Variants in TMEM87B observed in about 807,000 individuals in gnomAD.
TMEM87B encodes the protein transmembrane protein 87B.
A neutral mutation model predicts 80.3 loss-of-function variants in TMEM87B; 83 were observed. That is an observed-to-expected ratio of 1.03 (90% CI 0.87 to 1.24). TMEM87B has a LOEUF of 1.24. TMEM87B is among the 50% of genes most tolerant of loss of function. The pLI, the probability that TMEM87B is intolerant of heterozygous loss-of-function variation, is 0.00. For synonymous variants in TMEM87B, 219 were observed against 230.5 expected, an observed-to-expected ratio of 0.95 and a Z score of 0.45; for missense variants, 625 against 674.4, an observed-to-expected ratio of 0.93 and a Z score of 0.81.
chr2:112,095,165 C>CTTTCTTTTTTTTTTTTTTTTT (rs1679423787), intron 11 of TMEM87B: 1 of 540,868 alleles, frequency 1.8e-6, no homozygotes, highest in Non-Finnish European at 2.1e-6. Flanking sequence ...TTCTTTCTTT[C>CTTTCTTTTTTTTTTTTTTTTT]TTTTTTTTTT....
intron 17 of TMEM87B, among the ~76,000 whole-genome samples, chr2:112,111,850 C>T (rs1484703799): frequency 6.6e-6 from 1 of 152,164 alleles, no homozygotes; most frequent in Non-Finnish European, 1.5e-5. Flanking sequence ...GCTTATCTCC[C>T]TCTTTAATGC....
intron 11 of TMEM87B, among the ~76,000 whole-genome samples, chr2:112,094,310 C>T (rs1158403566): frequency 7.9e-5 from 12 of 151,708 alleles, no homozygotes; most frequent in South Asian, 2.1e-4. Flanking sequence ...TACAGGCGTG[C>T]GCCACCACGC....
At chr2:112,059,236 C>G (rs970221935) in intron 1 of TMEM87B, among the ~76,000 whole-genome samples, 2 of 152,054 alleles carry the variant, frequency 1.3e-5, no homozygotes, top group African/African-American at 4.8e-5. Flanking sequence ...CCTGAGAAGA[C>G]ATTAAACAAC....
intron 4 of TMEM87B, among the ~76,000 whole-genome samples, chr2:112,073,988 G>T (rs530125301): frequency 2.0e-5 from 3 of 152,086 alleles, no homozygotes; most frequent in African/African-American, 7.2e-5. Flanking sequence ...TGTGGGTGTC[G>T]TTATATGTGA....
intron 2 of TMEM87B, 30 bp from the exon 3 acceptor site, chr2:112,064,132 T>C: frequency 1.3e-6 from 2 of 1,586,706 alleles, no homozygotes. Flanking sequence ...GTATTATTCA[T>C]GTAAAACAAG....
intron 10 of TMEM87B, among the ~76,000 whole-genome samples, chr2:112,090,118 C>T (rs1679257164): frequency 6.6e-6 from 1 of 152,118 alleles, no homozygotes; most frequent in Non-Finnish European, 1.5e-5. Context: ...CAGTACATTC[C>T]ATCACTCTTT....
Position 112,116,302 on chromosome 2 carries a change from C to G in TMEM87B, c.*159C>G. 1 of 585,484 alleles carries G rather than the reference C, an allele frequency of 1.7e-6. No individual in the cohort carries two copies. The highest frequency in any genetic ancestry group is 2.9e-6 in the Non-Finnish European group (1 of 340,436). The allele number at this position is 585,484 out of a possible 1,614,324, so 36.3% of individuals were successfully genotyped here. Reference sequence around the variant, plus strand: ...TTCAGATGGTAGGAGGTTCTATAGTCCTTTTAAAGCTGACTCTTGAGTGTC... The same window carrying G: ...TTCAGATGGTAGGAGGTTCTATAGTGCTTTTAAAGCTGACTCTTGAGTGTC... On this transcript the variant is annotated 3_prime_UTR_variant, in exon 19 of 19. Coordinates refer to ENST00000283206, the MANE Select transcript of TMEM87B (RefSeq NM_032824.3).
intron 14 of TMEM87B, among the ~76,000 whole-genome samples, chr2:112,099,547 TATATATATAC>T (rs58515546): frequency 0.057 from 6,949 of 121,756 alleles, 351 homozygotes; most frequent in African/African-American, 0.15. Context: ...TATATATATA[TATATATATAC>T]ACACACACAC....
intron 8 of TMEM87B, among the ~76,000 whole-genome samples, chr2:112,085,612 C>T (rs1265294725): frequency 6.6e-6 from 1 of 152,148 alleles, no homozygotes; most frequent in Non-Finnish European, 1.5e-5. Flanking sequence ...AGGAGCATAT[C>T]AGATACATTT....
At chr2:112,100,309 G>A (rs958483340) in intron 14 of TMEM87B, among the ~76,000 whole-genome samples, 3 of 152,150 alleles carry the variant, frequency 2.0e-5, no homozygotes, top group Non-Finnish European at 4.4e-5. Flanking sequence ...CAAGTGGTGG[G>A]CAGAGAGGTA....
At position 112,116,117 on chromosome 2, in the gene TMEM87B, AT is replaced by A; in HGVS notation, c.1643del (p.Met548SerfsTer7). ...IMTRSEMAEK[M>X]FSSEKIM is the part of the protein sequence containing the mutation. ...GACCAGATCTGAAATGGCTGAAAAAATGTTCTCTTCAGAAAAGATAATGTGA... is the reference window on the plus strand; with the variant it reads ...GACCAGATCTGAAATGGCTGAAAAAAGTTCTCTTCAGAAAAGATAATGTGA... On this transcript the variant is annotated frameshift_variant, in exon 19 of 19. Coordinates refer to ENST00000283206, the MANE Select transcript of TMEM87B (RefSeq NM_032824.3). LOFTEE classifies it high-confidence loss of function. 6.2e-7 allele frequency: 1 copy of A among 1,613,118 alleles called. No homozygotes were observed. The highest frequency in any genetic ancestry group is 2.2e-5 in the East Asian group (1 of 44,830).
At chr2:112,115,811 T>G (rs1680005924) in intron 18 of TMEM87B, among the ~76,000 whole-genome samples, 1 of 152,140 alleles carries the variant, frequency 6.6e-6, no homozygotes. Context: ...AATTTTTAAA[T>G]TTTTTATAAG....
chr2:112,115,770 T>C (rs1680004464), intron 18 of TMEM87B, among the ~76,000 whole-genome samples: 1 of 152,124 alleles, frequency 6.6e-6, no homozygotes, highest in Non-Finnish European at 1.5e-5. Context: ...CTATACATTA[T>C]TGGAGAGTAT....
intron 2 of TMEM87B, among the ~76,000 whole-genome samples, chr2:112,063,215 C>T (rs534714282): frequency 6.6e-6 from 1 of 152,304 alleles, no homozygotes; most frequent in Non-Finnish European, 1.5e-5. Flanking sequence ...ATGGCACATC[C>T]CTTCTGAGGC....
chr2:112,096,985 TG>T, intron 11 of TMEM87B, 58 bp from the exon 12 acceptor site: 2 of 1,151,676 alleles, frequency 1.7e-6, no homozygotes, highest in Non-Finnish European at 2.5e-6. Flanking sequence ...TAGAAGATTC[TG>T]TTTTTTTTTT....
intron 15 of TMEM87B, among the ~76,000 whole-genome samples, chr2:112,102,766 A>G (rs1679665109): frequency 6.6e-6 from 1 of 152,150 alleles, no homozygotes; most frequent in Non-Finnish European, 1.5e-5. Flanking sequence ...TGACAAAAGT[A>G]TCTCAGTGGG....
Position 112,098,619 on chromosome 2 carries a change from G to A in TMEM87B, c.1297G>A (p.Asp433Asn), listed in dbSNP as rs1428988313. 2 of 1,614,106 alleles carry A rather than the reference G, an allele frequency of 1.2e-6. No homozygotes were observed. Among genetic ancestry groups the A allele is most frequent in the Non-Finnish European group, 1.7e-6 (2 of 1,180,008 alleles). Residue 433 changes from aspartate (D) to asparagine (N), a missense_variant, in exon 14 of 19, where the codon GAT (aspartate) becomes AAT (asparagine). Transcript: ENST00000283206. ...QSDWMERWVD[D>N]AFWSFLFSLI... The stretch of plus-strand genomic sequence containing the variant: ...GGATTGGATGGAACGCTGGGTTGAC[G>A]ATGCATTTTGGAGCTTCCTTTTTTC...
chr2:112,076,196 G>C (rs1333333076), intron 5 of TMEM87B, among the ~76,000 whole-genome samples: 1 of 152,084 alleles, frequency 6.6e-6, no homozygotes, highest in African/African-American at 2.4e-5. Context: ...AGGTTGCAGT[G>C]AGACAAGATC....
Position 112,068,920 on chromosome 2 carries a change from C to T in TMEM87B, c.450+1853C>T, listed in dbSNP as rs896857220. ...ATCGTAAACTCATGTAGGCCGGGCGCGGTGGCTCATGCCTGTAATCCCAGC... is the reference window on the plus strand; with the variant it reads ...ATCGTAAACTCATGTAGGCCGGGCGTGGTGGCTCATGCCTGTAATCCCAGC... On this transcript the variant is annotated intron_variant, in intron 4 of 18. Coordinates refer to ENST00000283206, the MANE Select transcript of TMEM87B (RefSeq NM_032824.3). Among the ~76,000 whole-genome samples the T allele has an allele frequency of 1.3e-4, 20 of 151,904 alleles. No individual in the cohort carries two copies. In the East Asian group the frequency reaches 2.3e-3, roughly 18 times the overall value.
Sources: allele counts gnomAD v4.1 joint callset (sites outside exome capture counted in the v4.1 genomes callset), GRCh38; gene constraint gnomAD v4.1.1; transcripts MANE v1.5; gene names NCBI Gene and HGNC (gene_info 2026-07-23, HGNC 2026-07-21).